SDC3: variants seen among roughly 807,000 people sequenced by gnomAD.
SDC3 encodes the protein syndecan-3.
Under a neutral mutation model 24.4 loss-of-function variants are expected in SDC3, and 13 were observed. That is an observed-to-expected ratio of 0.53 (90% CI 0.35 to 0.85). SDC3 has a LOEUF of 0.85. Ranked by LOEUF, SDC3 falls within the 40% of genes least tolerant of loss-of-function variation. The pLI, the probability that SDC3 is intolerant of heterozygous loss-of-function variation, is 0.01. For missense variants in SDC3, 571 were observed against 584.5 expected, an observed-to-expected ratio of 0.98 and a Z score of 0.24; for synonymous variants, 295 against 260.9, an observed-to-expected ratio of 1.13 and a Z score of -1.26.
chr1:30,899,920 T>C (rs1413170888), intron 1 of SDC3, among the ~76,000 whole-genome samples: 1 of 152,132 alleles, frequency 6.6e-6, no homozygotes, highest in Admixed American at 6.5e-5. Context: ...GTCTGCTGAG[T>C]GAGCAACGCA....
chr1:30,879,433 T>A lies in SDC3; in HGVS notation c.139-693A>T, dbSNP rs1045756920. ...GTGACGAATTGCTGGGTCTTCCTCCTTTTTTAAACATTCTAGGAGCTCAGA... is the reference window on the plus strand; with the variant it reads ...GTGACGAATTGCTGGGTCTTCCTCCATTTTTAAACATTCTAGGAGCTCAGA... On this transcript the variant is annotated intron_variant, in intron 1 of 4. Coordinates refer to ENST00000339394, the MANE Select transcript of SDC3 (RefSeq NM_014654.4). Among the ~76,000 whole-genome samples the A allele has an allele frequency of 2.6e-5, 4 of 152,218 alleles. No homozygotes were observed. The East Asian group carries it at 7.7e-4, about 29-fold the overall frequency.
intron 1 of SDC3, among the ~76,000 whole-genome samples, chr1:30,895,841 CG>C (rs35214484): frequency 0.039 from 4,400 of 113,202 alleles, 83 homozygotes; most frequent in Middle Eastern, 0.16. Flanking sequence ...GGGGAGGAAG[CG>C]AGTAAGAGGA....
chr1:30,889,030 C>CT (rs1639869943), intron 1 of SDC3, among the ~76,000 whole-genome samples: 1 of 152,166 alleles, frequency 6.6e-6, no homozygotes, highest in South Asian at 2.1e-4. Context: ...CAGACATGTC[C>CT]AAGCCCTCAC....
At chr1:30,878,501 C>G in intron 2 of SDC3, 122 bp downstream of exon 2, 1 of 734,416 alleles carries the variant, frequency 1.4e-6, no homozygotes, top group Non-Finnish European at 2.4e-6. Context: ...AAGAACTTGC[C>G]TGACCCAGGC....
intron 2 of SDC3, chr1:30,877,418 A>G: frequency 1.6e-6 from 1 of 607,984 alleles, no homozygotes; most frequent in Non-Finnish European, 3.0e-6. Context: ...TTCCTTGACT[A>G]TTCCTGCCCA....
chr1:30,888,407 C>G (rs904314890), intron 1 of SDC3, among the ~76,000 whole-genome samples: 52 of 152,314 alleles, frequency 3.4e-4, no homozygotes, highest in African/African-American at 1.2e-3. Context: ...AGCCCTAGAG[C>G]TCTGCTGGGC....
rs1639566167 is a variant in SDC3, at chr1:30,872,974, G to A, written c.*237C>T. On this transcript the variant is annotated 3_prime_UTR_variant, in exon 5 of 5. Transcript: ENST00000339394. ...GTCCTGAAGCCCCAGACTGGTGGCAGGGATGAGGGGAACAAGAGATGAGCT... is the reference window on the plus strand; with the variant it reads ...GTCCTGAAGCCCCAGACTGGTGGCAAGGATGAGGGGAACAAGAGATGAGCT... The A allele has an allele frequency of 1.9e-6, 1 of 525,624 alleles. No individual in the cohort carries two copies. The highest frequency in any genetic ancestry group is 3.4e-6 in the Non-Finnish European group (1 of 297,358). The allele number at this position is 525,624 out of a possible 1,614,324, so 32.6% of individuals were successfully genotyped here. A position where few individuals can be genotyped will look rare whatever the true frequency, so the allele number is the denominator to read the frequency against.
intron 1 of SDC3, among the ~76,000 whole-genome samples, chr1:30,896,672 A>G (rs556007425): frequency 1.7e-3 from 257 of 152,304 alleles, no homozygotes; most frequent in Non-Finnish European, 2.8e-3. Context: ...GAAGCGTGGG[A>G]TGTACAGACT....
intron 1 of SDC3, among the ~76,000 whole-genome samples, chr1:30,882,246 C>T (rs1429346294): frequency 6.6e-6 from 1 of 152,232 alleles, no homozygotes; most frequent in Non-Finnish European, 1.5e-5. Flanking sequence ...CTTCCGGGTA[C>T]ACACAAGTGC....
intron 1 of SDC3, among the ~76,000 whole-genome samples, chr1:30,900,707 G>T (rs936724964): frequency 6.6e-6 from 1 of 152,160 alleles, no homozygotes; most frequent in Non-Finnish European, 1.5e-5. Context: ...CCTGGTGCCC[G>T]CAATCGAATT....
chr1:30,900,601 C>T (rs758615575), intron 1 of SDC3, among the ~76,000 whole-genome samples: 29 of 152,262 alleles, frequency 1.9e-4, no homozygotes, highest in Non-Finnish European at 3.4e-4. Context: ...CCCAGCTCTC[C>T]AGGAGCCTTG....
chr1:30,900,412 C>A (rs868259682), intron 1 of SDC3, among the ~76,000 whole-genome samples: 2 of 152,168 alleles, frequency 1.3e-5, no homozygotes, highest in African/African-American at 4.8e-5. Flanking sequence ...GCTGCAGACA[C>A]CCCCCAACAA....
rs139840753 is a variant in SDC3 at position 30,871,659 on chromosome 1, C to G, written c.*1552G>C. 1 of 152,460 alleles carries G rather than the reference C, an allele frequency of 6.6e-6. No individual in the cohort carries two copies. The highest frequency in any genetic ancestry group is 2.1e-4 in the South Asian group (1 of 4,846). The allele number at this position is 152,460 out of a possible 1,614,324, so 9.4% of individuals were successfully genotyped here. On this transcript the variant is annotated 3_prime_UTR_variant, in exon 5 of 5. Transcript: ENST00000339394. ...CCTGCCAGGCAGAGGGCAGAGGGTG[C>G]GGAGGGCCCGCCCTCACAGGCACTT...
chr1:30,892,145 G>T (rs1197901503), intron 1 of SDC3, among the ~76,000 whole-genome samples: 2 of 151,942 alleles, frequency 1.3e-5, no homozygotes, highest in African/African-American at 4.8e-5. Context: ...CCAAACACCT[G>T]CCAGGGCTCA....
chr1:30,881,870 C>G lies in SDC3; in HGVS notation c.139-3130G>C, dbSNP rs75808157. Among the ~76,000 whole-genome samples the G allele has an allele frequency of 6.4e-3, 968 of 152,300 alleles. 16 individuals are homozygous for G. The highest frequency in any genetic ancestry group is 0.019 in the African/African-American group (795 of 41,548). On this transcript the variant is annotated intron_variant, in intron 1 of 4. Transcript: ENST00000339394. ...TTGTCCTGGACATTCCTGAGCCACC[C>G]CCAGACCCATTGCTTGTCCAGGGCT...
chr1:30,894,601 G>A (rs12725170), intron 1 of SDC3, among the ~76,000 whole-genome samples: 13,349 of 142,108 alleles, frequency 0.094, 593 homozygotes, highest in South Asian at 0.15. Context: ...GTGTGTGGGT[G>A]TGTGTGGATG....
chr1:30,902,689 C>T (rs1445350939), intron 1 of SDC3, among the ~76,000 whole-genome samples: 2 of 152,220 alleles, frequency 1.3e-5, no homozygotes, highest in Non-Finnish European at 2.9e-5. Context: ...GGGCTCCAAG[C>T]AGCTGGGCTG....
At chr1:30,909,359 A>T (rs1344196011), upstream of SDC3, among the ~76,000 whole-genome samples, 1 of 152,060 alleles carries the variant, frequency 6.6e-6, no homozygotes, top group Non-Finnish European at 1.5e-5. Flanking sequence ...GTCACTGTGG[A>T]TCTGCAGAGG....
intron 1 of SDC3, among the ~76,000 whole-genome samples, chr1:30,895,020 A>G (rs1237815150): frequency 6.6e-6 from 1 of 152,008 alleles, no homozygotes; most frequent in Non-Finnish European, 1.5e-5. Context: ...TCCATTTGTA[A>G]GCATGCATCT....
Sources: allele counts gnomAD v4.1 joint callset (sites outside exome capture counted in the v4.1 genomes callset), GRCh38; gene constraint gnomAD v4.1.1; transcripts MANE v1.5; gene names NCBI Gene and HGNC (gene_info 2026-07-23, HGNC 2026-07-21).